The following ARHGAP15 variants were observed in gnomAD, a reference collection of about 807,000 sequenced individuals.
ARHGAP15 encodes rho GTPase-activating protein 15.
A neutral mutation model predicts 63.7 loss-of-function variants in ARHGAP15; 51 were observed. That is an observed-to-expected ratio of 0.80 (90% confidence interval 0.64 to 1.01). ARHGAP15 has a LOEUF of 1.01. ARHGAP15 is among the 50% of genes least tolerant of loss of function. The pLI is 0.00. For synonymous variants in ARHGAP15, 191 were observed against 193.8 expected, an observed-to-expected ratio of 0.99 and a Z score of 0.12; for missense variants, 560 against 564.6, an observed-to-expected ratio of 0.99 and a Z score of 0.08.
chr2:143,224,974 C>T (rs1233198328), intron 4 of ARHGAP15, among the ~76,000 whole-genome samples: 1 of 152,176 alleles, frequency 6.6e-6, no homozygotes, highest in Non-Finnish European at 1.5e-5. Context: ...TGTTCTCACT[C>T]ATAAGTGGGA....
intron 10 of ARHGAP15, chr2:143,519,591 T>C: frequency 3.0e-6 from 1 of 331,032 alleles, no homozygotes; most frequent in South Asian, 3.5e-5. Flanking sequence ...ATTTTGTCTG[T>C]CTGACTTACT....
chr2:143,383,698 T>C (rs1321745584), intron 6 of ARHGAP15, among the ~76,000 whole-genome samples: 1 of 152,198 alleles, frequency 6.6e-6, no homozygotes, highest in Non-Finnish European at 1.5e-5. Flanking sequence ...TTAAGCCACT[T>C]GTTCAGTCAA....
At chr2:143,155,691 T>C (rs1690049577) in intron 2 of ARHGAP15, 36 bp downstream of exon 2, 1 of 1,503,132 alleles carries the variant, frequency 6.7e-7, no homozygotes, top group Admixed American at 2.5e-5. Flanking sequence ...AAGTTCCTTG[T>C]CATACAGAAT....
chr2:143,241,457 G>A (rs985418165), intron 5 of ARHGAP15, among the ~76,000 whole-genome samples: 9 of 152,126 alleles, frequency 5.9e-5, no homozygotes, highest in South Asian at 2.1e-4. Context: ...TATCGTTGTC[G>A]TTATTACTAC....
intron 6 of ARHGAP15, among the ~76,000 whole-genome samples, chr2:143,356,060 A>G (rs76539268): frequency 2.8e-4 from 43 of 151,862 alleles, no homozygotes; most frequent in Middle Eastern, 3.4e-3. Flanking sequence ...TTAAAAAAAA[A>G]AGAGAGAGAG....
At chr2:143,288,801 C>T (rs1291649076) in intron 6 of ARHGAP15, among the ~76,000 whole-genome samples, 3 of 151,732 alleles carry the variant, frequency 2.0e-5, no homozygotes, top group Non-Finnish European at 2.9e-5. Flanking sequence ...CCTTTGTTCT[C>T]GGGGGAATAC....
Position 143,253,102 on chromosome 2 carries a change from T to C in ARHGAP15, c.474+2502T>C, listed in dbSNP as rs192575437. Among the ~76,000 whole-genome samples the C allele has an allele frequency of 1.1e-3, 161 of 152,166 alleles. 1 individual carries two copies. The highest frequency in any genetic ancestry group is 3.8e-3 in the African/African-American group (158 of 41,526). The stretch of plus-strand genomic sequence containing the variant: ...AATTAGGCTTGGTGTTCAATCTCAG[T>C]CTATGAATTATAGATTACAGATAGC... On this transcript the variant is annotated intron_variant, in intron 6 of 13. Transcript: ENST00000295095.
intron 6 of ARHGAP15, among the ~76,000 whole-genome samples, chr2:143,270,120 G>A (rs1425824896): frequency 6.6e-6 from 1 of 151,888 alleles, no homozygotes; most frequent in Non-Finnish European, 1.5e-5. Context: ...CTACAGGCAC[G>A]CACCCCCACG....
chr2:143,210,147 C>A (rs1692510769), intron 3 of ARHGAP15, among the ~76,000 whole-genome samples: 1 of 151,234 alleles, frequency 6.6e-6, no homozygotes, highest in South Asian at 2.1e-4. Flanking sequence ...ATATTTACAT[C>A]AAAGACACAA....
At chr2:143,263,109 C>A (rs919164619) in intron 6 of ARHGAP15, among the ~76,000 whole-genome samples, 4 of 152,128 alleles carry the variant, frequency 2.6e-5, no homozygotes. Flanking sequence ...AAACTACTAC[C>A]TAAGCAGACA....
At chr2:143,561,546 C>T (rs1574636236) in intron 11 of ARHGAP15, among the ~76,000 whole-genome samples, 1 of 148,524 alleles carries the variant, frequency 6.7e-6, no homozygotes, top group Admixed American at 6.7e-5. Flanking sequence ...GAGTCTCGGT[C>T]GGTCTGTCAC....
intron 6 of ARHGAP15, among the ~76,000 whole-genome samples, chr2:143,377,852 A>C (rs1686885017): frequency 1.3e-5 from 2 of 152,094 alleles, no homozygotes; most frequent in Admixed American, 6.6e-5. Context: ...TCTTTGAATG[A>C]TGTTTATAAA....
chr2:143,166,806 G>A lies in ARHGAP15; in HGVS notation c.165+11151G>A, dbSNP rs116820522. On this transcript the variant is annotated intron_variant, in intron 2 of 13. Coordinates refer to ENST00000295095, the MANE Select transcript of ARHGAP15 (RefSeq NM_018460.4). ...TTTAACCTACTTTAAACTCCCTTGC[G>A]CACTTTGACCTATTTCCTATGTCTT... Among the ~76,000 whole-genome samples, 682 of 152,064 alleles carry A rather than the reference G, an allele frequency of 4.5e-3. 5 individuals are homozygous for A. Among genetic ancestry groups the A allele is most frequent in the African/African-American group, 0.016 (646 of 41,494 alleles).
chr2:143,299,192 A>T (rs1369224548), intron 6 of ARHGAP15, among the ~76,000 whole-genome samples: 1 of 151,964 alleles, frequency 6.6e-6, no homozygotes, highest in East Asian at 1.9e-4. Flanking sequence ...CAACTTATCC[A>T]TTATGAAACA....
intron 9 of ARHGAP15, among the ~76,000 whole-genome samples, chr2:143,501,095 A>G (rs1437353026): frequency 2.0e-5 from 3 of 152,234 alleles, no homozygotes; most frequent in Admixed American, 1.3e-4. Context: ...GGAATCTTTC[A>G]CATAACAAGA....
At chr2:143,489,380 G>T (rs144933382) in intron 9 of ARHGAP15, among the ~76,000 whole-genome samples, 1 of 152,268 alleles carries the variant, frequency 6.6e-6, no homozygotes, top group East Asian at 1.9e-4. Flanking sequence ...CATTAGTAGG[G>T]CTATGGAAAA....
chr2:143,370,765 T>A (rs990539900), intron 6 of ARHGAP15, among the ~76,000 whole-genome samples: 2 of 152,222 alleles, frequency 1.3e-5, no homozygotes, highest in African/African-American at 2.4e-5. Flanking sequence ...CAACTTCAGA[T>A]TCCTTTTCCC....
intron 3 of ARHGAP15, 40 bp from the exon 4 acceptor site, chr2:143,216,344 G>C (rs1692755584): frequency 1.4e-6 from 2 of 1,470,974 alleles, no homozygotes; most frequent in Non-Finnish European, 1.9e-6. Flanking sequence ...ACAATGCATA[G>C]TAGTTTGTCA....
intron 6 of ARHGAP15, among the ~76,000 whole-genome samples, chr2:143,306,116 A>G (rs535358281): frequency 3.7e-4 from 56 of 152,120 alleles, no homozygotes; most frequent in Non-Finnish European, 7.1e-4. Flanking sequence ...AATCTCAGTA[A>G]TATTACTGGG....
Sources: gnomAD v4.1 joint callset for allele counts (sites outside exome capture counted in the v4.1 genomes callset) on GRCh38, gnomAD v4.1.1 for gene constraint, MANE v1.5 for transcripts, NCBI Gene and HGNC (gene_info 2026-07-23, HGNC 2026-07-21) for gene names.